TENM4: variants seen among roughly 807,000 people sequenced by gnomAD.
TENM4 encodes teneurin transmembrane protein 4.
Under a neutral mutation model 243.3 loss-of-function variants are expected in TENM4, and 82 were observed. That is an observed-to-expected ratio of 0.34 (90% CI 0.28 to 0.40). The LOEUF is 0.40. Among genes scored for constraint, TENM4 ranks in the 10% least tolerant of loss-of-function variants. The pLI, the probability that TENM4 is intolerant of heterozygous loss-of-function variation, is 1.00. For synonymous variants in TENM4, 1,412 were observed against 1,456.3 expected (o/e 0.97, Z 0.69); for missense variants, 3,138 against 3,673.3 (o/e 0.85, Z 3.77).
At chr11:78,855,803 T>C (rs555811610) in intron 11 of TENM4, among the ~76,000 whole-genome samples, 161 bp downstream of exon 11, 43 of 152,314 alleles carry the variant, frequency 2.8e-4, no homozygotes, top group Non-Finnish European at 4.3e-4. Context: ...ACCTTACTCA[T>C]CTGAAAGGGT....
At chr11:79,092,113 G>A (rs1195148185) in intron 4 of TENM4, among the ~76,000 whole-genome samples, 1 of 152,174 alleles carries the variant, frequency 6.6e-6, no homozygotes, top group African/African-American at 2.4e-5. Context: ...GAGCCCTGGA[G>A]GCAAGGGGCA....
At position 79,095,580 on chromosome 11, in the gene TENM4, G is replaced by A. The variant is rs576966389; in HGVS notation, c.-65-25571C>T. Among the ~76,000 whole-genome samples the A allele has an allele frequency of 9.9e-5, 15 of 152,280 alleles. No individual in the cohort carries two copies. In the East Asian group the frequency reaches 2.1e-3, roughly 22 times the overall value. ...CATCCAGGCCGGCAACCTGCCAGGA[G>A]ACCCAGGGACCCGGTGACCTCCAGA... On this transcript the variant is annotated intron_variant, in intron 4 of 33. Coordinates refer to ENST00000278550, the MANE Select transcript of TENM4 (RefSeq NM_001098816.3).
chr11:79,039,828 G>GTACC (rs1859473067), intron 6 of TENM4, among the ~76,000 whole-genome samples: 2 of 151,984 alleles, frequency 1.3e-5, no homozygotes, highest in Non-Finnish European at 2.9e-5. Flanking sequence ...AAACAAAATA[G>GTACC]TACCTCCTAT....
chr11:79,163,248 T>C (rs1591324881), intron 3 of TENM4, among the ~76,000 whole-genome samples: 1 of 152,094 alleles, frequency 6.6e-6, no homozygotes, highest in African/African-American at 2.4e-5. Context: ...CCAGGCACTA[T>C]GCTAGTTGCT....
In TENM4 at chr11:78,973,851, G is replaced by A. The variant is rs146191781; in HGVS notation, c.494-70328C>T. On this transcript the variant is annotated intron_variant, in intron 6 of 33. Coordinates refer to ENST00000278550, the MANE Select transcript of TENM4 (RefSeq NM_001098816.3). ...GTGTTATTTTAAATAGCATGGTCAGGGAAGCCCTCCCTGAGGAGGTGACAT... is the reference window on the plus strand; with the variant it reads ...GTGTTATTTTAAATAGCATGGTCAGAGAAGCCCTCCCTGAGGAGGTGACAT... Among the ~76,000 whole-genome samples, 874 of 151,860 alleles carry A rather than the reference G, an allele frequency of 5.8e-3. 5 individuals are homozygous for A. Among genetic ancestry groups the A allele is most frequent in the African/African-American group, 0.019 (800 of 41,400 alleles).
intron 2 of TENM4, among the ~76,000 whole-genome samples, chr11:79,223,074 G>A (rs181663652): frequency 2.6e-5 from 4 of 151,948 alleles, no homozygotes; most frequent in Non-Finnish European, 4.4e-5. Flanking sequence ...GCAGCACACC[G>A]CCATGGCACA....
intron 1 of TENM4, among the ~76,000 whole-genome samples, chr11:79,356,986 G>T (rs993340310): frequency 6.6e-6 from 1 of 152,136 alleles, no homozygotes; most frequent in African/African-American, 2.4e-5. Context: ...AGGGAATTGG[G>T]TGGGAAGGTG....
chr11:78,882,958 T>G (rs1855464091), intron 9 of TENM4, among the ~76,000 whole-genome samples: 1 of 152,230 alleles, frequency 6.6e-6, no homozygotes, highest in African/African-American at 2.4e-5. Context: ...TCATTGCTAT[T>G]ACACAAATTG....
chr11:78,709,306 G>A (rs977426345), intron 26 of TENM4, among the ~76,000 whole-genome samples: 3 of 152,052 alleles, frequency 2.0e-5, no homozygotes, highest in Non-Finnish European at 4.4e-5. Flanking sequence ...TAGTCTCACT[G>A]ATCATTACAA....
intron 19 of TENM4, among the ~76,000 whole-genome samples, chr11:78,740,930 T>C (rs1855915599): frequency 6.6e-6 from 1 of 152,248 alleles, no homozygotes; most frequent in African/African-American, 2.4e-5. Context: ...AAGTTTAGCC[T>C]GGGCTCCCGT....
chr11:79,193,649 C>T (rs1366556268), intron 3 of TENM4, among the ~76,000 whole-genome samples: 2 of 152,154 alleles, frequency 1.3e-5, no homozygotes, highest in African/African-American at 2.4e-5. Flanking sequence ...TAGCAGGGTC[C>T]CTGACACTTA....
chr11:79,421,842 G>A (rs1231956070), intron 1 of TENM4, among the ~76,000 whole-genome samples: 2 of 152,108 alleles, frequency 1.3e-5, no homozygotes, highest in Non-Finnish European at 2.9e-5. Context: ...CTTTAATTAT[G>A]AGAGGCAGCA....
At chr11:79,333,185 G>A (rs1220278139) in intron 1 of TENM4, among the ~76,000 whole-genome samples, 5 of 152,082 alleles carry the variant, frequency 3.3e-5, no homozygotes, top group African/African-American at 9.7e-5. Flanking sequence ...ATATGATAAG[G>A]AGAACATTCA....
intron 16 of TENM4, among the ~76,000 whole-genome samples, chr11:78,784,028 G>C (rs1856887449): frequency 6.6e-6 from 1 of 151,950 alleles, no homozygotes; most frequent in African/African-American, 2.4e-5. Context: ...CTCTTTTTTT[G>C]CTTCCACTGC....
intron 6 of TENM4, among the ~76,000 whole-genome samples, chr11:79,020,489 A>G (rs894771723): frequency 2.6e-5 from 4 of 152,194 alleles, no homozygotes; most frequent in Non-Finnish European, 5.9e-5. Context: ...TGTATTCTCT[A>G]TTATGACCCA....
chr11:78,938,090 A>G (rs1224038148), intron 6 of TENM4, among the ~76,000 whole-genome samples: 2 of 152,162 alleles, frequency 1.3e-5, no homozygotes, highest in Non-Finnish European at 2.9e-5. Flanking sequence ...AAATCTGACT[A>G]TGTTTGGGTC....
At chr11:78,826,365 GT>G (rs1368755839) in intron 12 of TENM4, among the ~76,000 whole-genome samples, 1 of 152,068 alleles carries the variant, frequency 6.6e-6, no homozygotes, top group African/African-American at 2.4e-5. Flanking sequence ...GGGATTACAG[GT>G]GTGAGCCACC....
In TENM4 at chr11:78,658,255, G is replaced by C; in HGVS notation, c.8113C>G (p.Arg2705Gly). Residue 2705 changes from arginine to glycine, a missense_variant, in exon 34 of 34, where the codon CGC (arginine) becomes GGC (glycine). Physicochemically the swap from Arg to Gly is moderately radical, Grantham distance 125. This residue lies in a region of TENM4 where 2,467 missense variants were observed against 3,059.1 expected (regional missense o/e 0.81). Transcript: ENST00000278550. The part of the protein sequence containing the change: ...RQRAVRQAWA[R>G]EQQRLREGEE... ...CCTTCCCGCAGTCTCTGCTGCTCGC[G>C]GGCCCACGCTTGGCGCACGGCTCTC... 6.2e-7 allele frequency: 1 copy of C among 1,613,676 alleles called. No homozygotes were observed. Among genetic ancestry groups the C allele is most frequent in the Non-Finnish European group, 8.5e-7 (1 of 1,179,712 alleles).
chr11:78,705,032 G>A (rs1485856328), intron 27 of TENM4, among the ~76,000 whole-genome samples: 1 of 152,262 alleles, frequency 6.6e-6, no homozygotes, highest in African/African-American at 2.4e-5. Context: ...CAGTGCTGCT[G>A]CTTCACACTC....
Sources: allele counts gnomAD v4.1 joint callset (sites outside exome capture counted in the v4.1 genomes callset), GRCh38; gene constraint gnomAD v4.1.1; regional missense constraint gnomAD v4.1.1; transcripts MANE v1.5; gene names NCBI Gene and HGNC (gene_info 2026-07-23, HGNC 2026-07-21).